Variants in LMBR1 observed in about 807,000 individuals in gnomAD.
LMBR1 encodes the protein limb region 1 protein homolog.
Under a neutral mutation model 73.9 loss-of-function variants are expected in LMBR1, and 52 were observed. The observed-to-expected ratio is 0.70, with a 90% CI of 0.56 to 0.89. The LOEUF (loss-of-function observed/expected upper bound fraction) is 0.89, where lower values mean the gene tolerates loss of function less well. LMBR1 is among the 40% of genes least tolerant of loss of function. The pLI is 0.00. For synonymous variants in LMBR1, 215 were observed against 209.4 expected (o/e 1.03, Z -0.23); for missense variants, 539 against 579.8 (o/e 0.93, Z 0.72).
At chr7:156,693,939 C>T (rs1234636407) in intron 15 of LMBR1, among the ~76,000 whole-genome samples, 3 of 152,120 alleles carry the variant, frequency 2.0e-5, no homozygotes, top group Non-Finnish European at 1.5e-5. Context: ...TTAATAGGAT[C>T]GTACGCCCTA....
chr7:156,843,009 A>G (rs113407342), intron 1 of LMBR1, among the ~76,000 whole-genome samples: 4,846 of 152,272 alleles, frequency 0.032, 127 homozygotes, highest in South Asian at 0.084. Context: ...CTTCACACTC[A>G]TCGACCAACT....
In LMBR1 at chr7:156,710,049, C is replaced by T. The variant is rs369835583; in HGVS notation, c.1225+14063G>A. ...TCTCCTGAGTAGCTGGGACTACAGG[C>T]GCCCGCCACCATGCCCGGCTAATTT... On this transcript the variant is annotated intron_variant, in intron 15 of 16. Coordinates refer to ENST00000353442, the MANE Select transcript of LMBR1 (RefSeq NM_022458.4). Among the ~76,000 whole-genome samples the T allele has an allele frequency of 5.1e-4, 77 of 151,866 alleles. No homozygotes were observed. In the East Asian group the frequency reaches 0.011, roughly 21 times the overall value.
At chr7:156,862,007 A>G (rs543477881) in intron 1 of LMBR1, among the ~76,000 whole-genome samples, 85 of 152,342 alleles carry the variant, frequency 5.6e-4, no homozygotes, top group African/African-American at 2.0e-3. Context: ...CCCCAGTTCC[A>G]AAGTCACTTC....
intron 9 of LMBR1, 35 bp downstream of exon 9, chr7:156,756,358 T>G (rs567244630): frequency 1.0e-6 from 1 of 1,003,106 alleles, no homozygotes; most frequent in South Asian, 1.3e-5. Context: ...AAAAAGATTT[T>G]TTTATCCCCG....
chr7:156,791,128 G>A (rs1306255881), intron 5 of LMBR1, among the ~76,000 whole-genome samples: 1 of 152,082 alleles, frequency 6.6e-6, no homozygotes, highest in Non-Finnish European at 1.5e-5. Flanking sequence ...GTGAGATATG[G>A]CTTCATTTTC....
At chr7:156,756,541 G>T in intron 8 of LMBR1, 76 bp from the exon 9 acceptor site, 1 of 740,616 alleles carries the variant, frequency 1.4e-6, no homozygotes, top group South Asian at 1.6e-5. Context: ...AGGCTATTTG[G>T]TCAATTTATT....
At chr7:156,713,408 T>C (rs540538211) in intron 15 of LMBR1, among the ~76,000 whole-genome samples, 3 of 152,240 alleles carry the variant, frequency 2.0e-5, no homozygotes, top group Admixed American at 6.5e-5. Flanking sequence ...TGATAATGTG[T>C]CAGTGCAGGT....
At chr7:156,696,193 A>G (rs749933098) in intron 15 of LMBR1, among the ~76,000 whole-genome samples, 6 of 152,228 alleles carry the variant, frequency 3.9e-5, no homozygotes, top group Admixed American at 1.3e-4. Flanking sequence ...ACAATCCATA[A>G]AAGAAAATTT....
At chr7:156,768,732 G>C (rs1824615292) in intron 5 of LMBR1, among the ~76,000 whole-genome samples, 1 of 152,164 alleles carries the variant, frequency 6.6e-6, no homozygotes, top group Non-Finnish European at 1.5e-5. Flanking sequence ...ATTTTTATTT[G>C]GCTAGGAGGC....
intron 1 of LMBR1, among the ~76,000 whole-genome samples, chr7:156,849,201 T>C (rs1795918730): frequency 6.6e-6 from 1 of 152,170 alleles, no homozygotes; most frequent in Admixed American, 6.5e-5. Context: ...ATCATGTCCT[T>C]TGCAGCGACA....
At chr7:156,724,904 G>C (rs1032551103) in intron 14 of LMBR1, among the ~76,000 whole-genome samples, 3 of 151,944 alleles carry the variant, frequency 2.0e-5, no homozygotes, top group African/African-American at 4.8e-5. Flanking sequence ...CAGCCTACGG[G>C]AATATTTTAT....
In LMBR1 at chr7:156,683,974, G is replaced by T; in HGVS notation, c.*104C>A. ...AATGGCACTGATAGGTCTAGGTTCT[G>T]AAGAGGGGCCACGGTTGAATGGAAA... On this transcript the variant is annotated 3_prime_UTR_variant, in exon 17 of 17. Transcript: ENST00000353442. 3.3e-6 allele frequency: 3 copies of T among 916,122 alleles called. No individual in the cohort carries two copies. The highest frequency in any genetic ancestry group is 2.9e-5 in the South Asian group (2 of 69,516). The allele number at this position is 916,122 out of a possible 1,614,324, so 56.7% of individuals were successfully genotyped here. A position where few individuals can be genotyped will look rare whatever the true frequency, so the allele number is the denominator to read the frequency against.
chr7:156,814,670 C>T (rs1340675156), intron 4 of LMBR1, among the ~76,000 whole-genome samples: 1 of 152,198 alleles, frequency 6.6e-6, no homozygotes, highest in East Asian at 1.9e-4. Context: ...TAGCACTTTA[C>T]GTCTAACAGC....
chr7:156,855,808 A>T (rs1297033366), intron 1 of LMBR1, among the ~76,000 whole-genome samples: 1 of 152,204 alleles, frequency 6.6e-6, no homozygotes, highest in Non-Finnish European at 1.5e-5. Context: ...TTAGAATTGC[A>T]TCAGACTTCT....
chr7:156,706,143 T>C lies in LMBR1; in HGVS notation c.1226-17952A>G, dbSNP rs182597639. ...TACTGACACCAGATAAAACAGACTT[T>C]AAATCAAAAACAGTTAAAAAAAAAA... is the stretch of plus-strand genomic sequence containing the variant. On this transcript the variant is annotated intron_variant, in intron 15 of 16. Transcript: ENST00000353442. Among the ~76,000 whole-genome samples, 14 of 148,692 alleles carry C rather than the reference T, an allele frequency of 9.4e-5. No homozygotes were observed. The East Asian group carries it at 2.8e-3, about 29-fold the overall frequency.
chr7:156,711,048 C>T (rs1008349233), intron 15 of LMBR1, among the ~76,000 whole-genome samples: 8 of 152,146 alleles, frequency 5.3e-5, no homozygotes, highest in African/African-American at 7.2e-5. Flanking sequence ...CAGTGGCTCA[C>T]GCCTGTAATC....
intron 4 of LMBR1, among the ~76,000 whole-genome samples, chr7:156,803,103 T>A (rs529477885): frequency 0.067 from 10,242 of 152,046 alleles, 424 homozygotes; most frequent in African/African-American, 0.11. Flanking sequence ...AAGGACTTCA[T>A]GTCTAAAACA....
At chr7:156,817,508 G>C (rs992917858) in intron 4 of LMBR1, among the ~76,000 whole-genome samples, 1 of 67,136 alleles carries the variant, frequency 1.5e-5, no homozygotes, top group Non-Finnish European at 3.3e-5. Flanking sequence ...GAGAGAGAGA[G>C]AGAGAGACAG....
At chr7:156,831,248 CT>C (rs1836619535) in intron 3 of LMBR1, among the ~76,000 whole-genome samples, 2 of 147,942 alleles carry the variant, frequency 1.4e-5, no homozygotes, top group African/African-American at 5.0e-5. Context: ...AATTTCACCC[CT>C]AATTGTATCA....
Sources: allele counts gnomAD v4.1 joint callset (sites outside exome capture counted in the v4.1 genomes callset), GRCh38; gene constraint gnomAD v4.1.1; transcripts MANE v1.5; gene names NCBI Gene and HGNC (gene_info 2026-07-23, HGNC 2026-07-21).